CHTF8: variants seen among roughly 807,000 people sequenced by gnomAD.
CHTF8 encodes the protein chromosome transmission fidelity protein 8 homolog.
Under a neutral mutation model 11.0 loss-of-function variants are expected in CHTF8, and 6 were observed. The ratio of observed to expected loss-of-function variants is 0.55; its 90% CI spans 0.30 to 1.08. The LOEUF is 1.08. Among genes scored for constraint, CHTF8 ranks in the 50% least tolerant of loss-of-function variants. The probability of loss-of-function intolerance (pLI) is 0.07; values close to 1 mark genes in which losing one functional copy is unlikely to be tolerated. For missense variants in CHTF8, 140 were observed against 153.1 expected, an observed-to-expected ratio of 0.91 and a Z score of 0.45; for synonymous variants, 53 against 60.5, an observed-to-expected ratio of 0.88 and a Z score of 0.57.
intron 1 of CHTF8, among the ~76,000 whole-genome samples, chr16:69,129,088 A>T (rs1253560001): frequency 6.6e-6 from 1 of 150,462 alleles, no homozygotes; most frequent in African/African-American, 2.5e-5. Context: ...CTGAAACAAA[A>T]CAAAAAAAAA....
rs899302998 is a variant in CHTF8 at position 69,123,550 on chromosome 16, G to A, written c.-35-2057C>T. On this transcript the variant is annotated intron_variant, in intron 1 of 3. Transcript: ENST00000448552. Reference sequence around the variant, plus strand: ...CAGGCACCCATAATCCCAGCTATTCGGCAGGCTGAGGTAAGAGAATCACTT... The same window carrying A: ...CAGGCACCCATAATCCCAGCTATTCAGCAGGCTGAGGTAAGAGAATCACTT... Among the ~76,000 whole-genome samples, 18 of 151,990 alleles carry A rather than the reference G, an allele frequency of 1.2e-4. No individual in the cohort carries two copies. In the East Asian group the frequency reaches 1.8e-3, roughly 15 times the overall value.
In CHTF8 at chr16:69,119,668, C is replaced by T. The variant is rs762329372; in HGVS notation, c.*757G>A. The T allele has an allele frequency of 1.5e-6, 1 of 674,274 alleles. No individual in the cohort carries two copies. Among genetic ancestry groups the T allele is most frequent in the Non-Finnish European group, 2.7e-6 (1 of 369,844 alleles). 41.8% of individuals were successfully genotyped at this position (674,274 alleles called of 1,614,324 possible). A position where few individuals can be genotyped will look rare whatever the true frequency, so the allele number is the denominator to read the frequency against. On this transcript the variant is annotated 3_prime_UTR_variant, in exon 4 of 4. Coordinates refer to ENST00000448552, the MANE Select transcript of CHTF8 (RefSeq NM_001039690.5). ...ACCAGATCCTGTGCCCAAGAGGCCA[C>T]CTGCTCTGGCATCTAGATTAGGGCC...
Position 69,121,112 on chromosome 16 carries a change from C to T in CHTF8, c.82G>A (p.Ala28Thr). The change falls in exon 3 of 4, where the codon GCT becomes ACT. Residue 28 changes from alanine (A) to threonine (T), a missense_variant. Coordinates refer to ENST00000448552, the MANE Select transcript of CHTF8 (RefSeq NM_001039690.5). Reference protein sequence around the residue: ...VLMELQGEIEARYSTGLAGNL... With the variant: ...VLMELQGEIETRYSTGLAGNL... The stretch of plus-strand genomic sequence containing the variant: ...CCAGCTAATCCAGTGCTGTAGCGAG[C>T]CTCGATCTCCCCCTGTAGCTCCATC... 21 of 1,613,840 alleles carry T rather than the reference C, an allele frequency of 1.3e-5. No homozygotes were observed. Among genetic ancestry groups the T allele is most frequent in the Non-Finnish European group, 1.8e-5 (21 of 1,180,024 alleles).
rs1961486388 is a variant in CHTF8, at chr16:69,119,811, G to T, written c.*614C>A. 2.9e-6 allele frequency: 2 copies of T among 701,076 alleles called. No individual in the cohort carries two copies. 43.4% of individuals were successfully genotyped at this position (701,076 alleles called of 1,614,324 possible). On this transcript the variant is annotated 3_prime_UTR_variant, in exon 4 of 4. Coordinates refer to ENST00000448552, the MANE Select transcript of CHTF8 (RefSeq NM_001039690.5). ...ATCTCAGATTGGGGTTTGGTCCTGG[G>T]CCCAGGCCAACTGGCCTAGGATTGG...
chr16:69,124,741 T>A (rs1597115633), intron 1 of CHTF8, among the ~76,000 whole-genome samples: 1 of 152,240 alleles, frequency 6.6e-6, no homozygotes, highest in East Asian at 1.9e-4. Context: ...GCTCCAGGGA[T>A]CCTCCCACAT....
rs1483483183 is a variant in CHTF8 at position 69,119,500 on chromosome 16, G to A, written c.*925C>T. On this transcript the variant is annotated 3_prime_UTR_variant, in exon 4 of 4. Transcript: ENST00000448552. ...ACCCGAGTTTGGGCCCATGGGGCCA[G>A]GTACTCTTGCCATGGAGGATGGGCT... The A allele has an allele frequency of 1.4e-6, 1 of 702,650 alleles. No individual in the cohort carries two copies. Among genetic ancestry groups the A allele is most frequent in the Non-Finnish European group, 2.6e-6 (1 of 384,944 alleles). The allele number at this position is 702,650 out of a possible 1,614,324, so 43.5% of individuals were successfully genotyped here.
In CHTF8 at chr16:69,120,930, T is replaced by C. The variant is rs1961604157; in HGVS notation, c.141+123A>G. The stretch of plus-strand genomic sequence containing the variant: ...GTAGGGGGAGAACAAGCAGAGAGCA[T>C]CGCAGATTAGCTAGGCCTTGAATAA... On this transcript the variant is annotated intron_variant, in intron 3 of 3. Transcript: ENST00000448552. The surrounding 1 kb of genome is among the most constrained non-coding windows in gnomAD (Gnocchi z 4.0). 3.5e-6 allele frequency: 3 copies of C among 858,322 alleles called. No individual in the cohort carries two copies. Among genetic ancestry groups the C allele is most frequent in the Admixed American group, 1.7e-5 (1 of 58,436 alleles). The allele number at this position is 858,322 out of a possible 1,614,324, so 53.2% of individuals were successfully genotyped here.
intron 1 of CHTF8, among the ~76,000 whole-genome samples, chr16:69,130,237 A>C (rs1187758298): frequency 6.6e-6 from 1 of 152,242 alleles, no homozygotes; most frequent in Non-Finnish European, 1.5e-5. Flanking sequence ...AGCAAAAAAG[A>C]GGCTTTGACT....
chr16:69,125,225 T>C (rs759230272), intron 1 of CHTF8, among the ~76,000 whole-genome samples: 4 of 152,168 alleles, frequency 2.6e-5, no homozygotes, highest in Admixed American at 2.0e-4. Context: ...CTTTTTAAAT[T>C]CAAATATAAG....
Position 69,119,205 on chromosome 16 carries a change from G to A in CHTF8, c.*1220C>T. The stretch of plus-strand genomic sequence containing the variant: ...TGGCCCTTGGGAAGTTAGCTGGGTT[G>A]GGGCCAAGTGGCCCAGAGGCTCTTG... On this transcript the variant is annotated 3_prime_UTR_variant, in exon 4 of 4. Coordinates refer to ENST00000448552, the MANE Select transcript of CHTF8 (RefSeq NM_001039690.5). The A allele has an allele frequency of 2.8e-6, 2 of 703,032 alleles. No individual in the cohort carries two copies. The highest frequency in any genetic ancestry group is 1.5e-5 in the South Asian group (1 of 67,568). 43.5% of individuals were successfully genotyped at this position (703,032 alleles called of 1,614,324 possible).
rs1212906581 is a variant in CHTF8 at position 69,120,698 on chromosome 16, A to G, written c.142-49T>C. 1 of 1,516,700 alleles carries G rather than the reference A, an allele frequency of 6.6e-7. No homozygotes were observed. 94.0% of individuals were successfully genotyped at this position (1,516,700 alleles called of 1,614,324 possible). Reference sequence around the variant, plus strand: ...TCCTGAGGTTCCGGGGCAAGGCCATAACACTCAGGCGCCTCCTAAAGCTGC... The same window carrying G: ...TCCTGAGGTTCCGGGGCAAGGCCATGACACTCAGGCGCCTCCTAAAGCTGC... On this transcript the variant is annotated intron_variant, in intron 3 of 3. Transcript: ENST00000448552. The surrounding 1 kb of genome is among the most constrained non-coding windows in gnomAD (Gnocchi z 4.0).
intron 1 of CHTF8, among the ~76,000 whole-genome samples, chr16:69,129,149 G>A (rs1205256568): frequency 6.6e-6 from 1 of 151,166 alleles, no homozygotes; most frequent in Non-Finnish European, 1.5e-5. Flanking sequence ...CCCAGGCAGA[G>A]GCCGGGTGCG....
chr16:69,128,013 CAG>C (rs1200297749), intron 1 of CHTF8, among the ~76,000 whole-genome samples: 2 of 152,092 alleles, frequency 1.3e-5, no homozygotes, highest in Non-Finnish European at 2.9e-5. Flanking sequence ...TGCCCAGGAT[CAG>C]GGGATTCTCC....
chr16:69,128,322 G>C (rs1197522716), intron 1 of CHTF8, among the ~76,000 whole-genome samples: 2 of 152,214 alleles, frequency 1.3e-5, no homozygotes, highest in African/African-American at 4.8e-5. Context: ...GCCAGGGAGA[G>C]ACTTCTGTGA....
chr16:69,130,243 T>C (rs1962400357), intron 1 of CHTF8, among the ~76,000 whole-genome samples: 1 of 152,190 alleles, frequency 6.6e-6, no homozygotes, highest in African/African-American at 2.4e-5. Context: ...AAAGAGGCTT[T>C]GACTCAACGG....
At position 69,118,759 on chromosome 16, in the gene CHTF8, G is replaced by C; in HGVS notation, c.*1666C>G. The C allele has an allele frequency of 1.6e-6, 1 of 639,350 alleles. No individual in the cohort carries two copies. The highest frequency in any genetic ancestry group is 1.8e-5 in the South Asian group (1 of 55,156). 39.6% of individuals were successfully genotyped at this position (639,350 alleles called of 1,614,324 possible). A position where few individuals can be genotyped will look rare whatever the true frequency, so the allele number is the denominator to read the frequency against. On this transcript the variant is annotated 3_prime_UTR_variant, in exon 4 of 4. Coordinates refer to ENST00000448552, the MANE Select transcript of CHTF8 (RefSeq NM_001039690.5). ...ACTTGAGCCCAAGCTATGTTCTTCAGACTGTAGCTCCACAACTACCCTTTT... is the reference window on the plus strand; with the variant it reads ...ACTTGAGCCCAAGCTATGTTCTTCACACTGTAGCTCCACAACTACCCTTTT...
chr16:69,120,442 C>A lies in CHTF8; in HGVS notation c.349G>T (p.Val117Phe), dbSNP rs752702742. Reference sequence around the variant, plus strand: ...AGGTTCTTTCATACTTTCTTGGGGACGCTGGTGATAATGGGCTTGGGGCGG... The same window carrying A: ...AGGTTCTTTCATACTTTCTTGGGGAAGCTGGTGATAATGGGCTTGGGGCGG... ...KTRPKPIITS[V>F]PKKV Residue 117 changes from valine (V) to phenylalanine (F), a missense_variant, in exon 4 of 4, where the codon GTC (valine) becomes TTC (phenylalanine). By Grantham distance (50) the Val-to-Phe change is conservative (BLOSUM62 -1). Coordinates refer to ENST00000448552, the MANE Select transcript of CHTF8 (RefSeq NM_001039690.5). The surrounding 1 kb of genome is among the most constrained non-coding windows in gnomAD (Gnocchi z 4.0). 1.2e-6 allele frequency: 2 copies of A among 1,614,064 alleles called. No homozygotes were observed. Among genetic ancestry groups the A allele is most frequent in the African/African-American group, 1.3e-5 (1 of 75,024 alleles).
rs143470071 is a variant in CHTF8, at chr16:69,130,813, T to C, written c.-36+1671A>G. On this transcript the variant is annotated intron_variant, in intron 1 of 3. Transcript: ENST00000448552. The stretch of plus-strand genomic sequence containing the variant: ...TAATGTTTATAACGGACTAAAGCAT[T>C]CTACGAAAGCAGCAGGTCATCAGAA... 2.0e-5 allele frequency among the ~76,000 whole-genome samples: 3 copies of C among 152,346 alleles called. No individual in the cohort carries two copies. The East Asian group carries it at 5.8e-4, about 29-fold the overall frequency.
chr16:69,132,425 C>A (rs1367207594), intron 1 of CHTF8, 59 bp downstream of exon 1: 2 of 173,898 alleles, frequency 1.2e-5, no homozygotes, highest in Non-Finnish European at 1.2e-5. Flanking sequence ...CCCTCGCCCC[C>A]AATCCCGGCT....
Sources: gnomAD v4.1 joint callset for allele counts (sites outside exome capture counted in the v4.1 genomes callset) on GRCh38, gnomAD v4.1.1 for gene constraint, Gnocchi (gnomAD v3.1) non-coding constraint, MANE v1.5 for transcripts, NCBI Gene and HGNC (gene_info 2026-07-23, HGNC 2026-07-21) for gene names.